The following RASIP1 variants were observed in gnomAD, a reference collection of about 807,000 sequenced individuals.
RASIP1 encodes the protein ras-interacting protein 1.
A neutral mutation model predicts 85.3 loss-of-function variants in RASIP1; 20 were observed. That is an observed-to-expected ratio of 0.23 (90% confidence interval 0.17 to 0.34). RASIP1 has a LOEUF of 0.34. RASIP1 is among the 10% of genes least tolerant of loss of function. The pLI, the probability that RASIP1 is intolerant of heterozygous loss-of-function variation, is 1.00. For synonymous variants in RASIP1, 617 were observed against 647.1 expected (o/e 0.95, Z 0.71); for missense variants, 1,170 against 1,390.9 (o/e 0.84, Z 2.53).
At position 48,739,323 on chromosome 19, in the gene RASIP1, C is replaced by A; in HGVS notation, c.460G>T (p.Gly154Ter). 7.3e-7 allele frequency: 1 copy of A among 1,377,866 alleles called. No homozygotes were observed. The highest frequency in any genetic ancestry group is 2.1e-4 in the Middle Eastern group (1 of 4,790). The allele number at this position is 1,377,866 out of a possible 1,614,324, so 85.4% of individuals were successfully genotyped here. The change falls in exon 3 of 12, where the codon GGA becomes TGA. Residue 154 changes from glycine to a stop codon, truncating the protein, a stop_gained. Coordinates refer to ENST00000222145, the MANE Select transcript of RASIP1 (RefSeq NM_017805.3). LOFTEE classifies it high-confidence loss of function. The surrounding 1 kb of genome is among the most constrained non-coding windows in gnomAD (Gnocchi z 9.2). Reference protein sequence around the residue: ...PPGVLKIFGAGLASGANYKSV... With the variant: ...PPGVLKIFGA ...TTGTAGTTGGCGCCCGATGCCAGTCCGGCGCCGAAGATCTTGAGGACCCCC... is the reference window on the plus strand; with the variant it reads ...TTGTAGTTGGCGCCCGATGCCAGTCAGGCGCCGAAGATCTTGAGGACCCCC...
intron 8 of RASIP1, chr19:48,725,656 G>A (rs2033330133): frequency 6.6e-6 from 1 of 152,252 alleles, no homozygotes; most frequent in Non-Finnish European, 1.5e-5. Flanking sequence ...GTTCTGAAAG[G>A]GAAGTGAATT....
chr19:48,731,170 A>G (rs1404641714), intron 4 of RASIP1, among the ~76,000 whole-genome samples: 1 of 152,176 alleles, frequency 6.6e-6, no homozygotes, highest in Admixed American at 6.5e-5. Context: ...GCTACTCGGG[A>G]GGCTGAGGCG....
Position 48,739,245 on chromosome 19 carries a change from G to C in RASIP1, c.538C>G (p.Leu180Val). 6.8e-7 allele frequency: 1 copy of C among 1,475,768 alleles called. No individual in the cohort carries two copies. The highest frequency in any genetic ancestry group is 8.9e-7 in the Non-Finnish European group (1 of 1,120,794). 91.4% of individuals were successfully genotyped at this position (1,475,768 alleles called of 1,614,324 possible). A position where few individuals can be genotyped will look rare whatever the true frequency, so the allele number is the denominator to read the frequency against. The change falls in exon 3 of 12, where the codon CTA (leucine) becomes GTA (valine). Residue 180 changes from leucine (L) to valine (V), a missense_variant. Around this residue, in one of 4 missense-constraint regions of RASIP1, gnomAD observed 299 missense variants for 394.4 expected, o/e 0.76. Coordinates refer to ENST00000222145, the MANE Select transcript of RASIP1 (RefSeq NM_017805.3). The surrounding 1 kb of genome is among the most constrained non-coding windows in gnomAD (Gnocchi z 9.2). ...CTGCCTGCTAGGCCGTAGCGCTCTA[G>C]CGCCTCGGCCACGAGCTCGCGCGCC... ...STARELVAEALERYGLAGSPG... is the reference protein window; with the variant it reads ...STARELVAEAVERYGLAGSPG...
chr19:48,739,631 T>G lies in RASIP1; in HGVS notation c.152A>C (p.Asp51Ala). 7.0e-7 allele frequency: 1 copy of G among 1,429,018 alleles called. No homozygotes were observed. The highest frequency in any genetic ancestry group is 9.2e-7 in the Non-Finnish European group (1 of 1,090,212). 88.5% of individuals were successfully genotyped at this position (1,429,018 alleles called of 1,614,324 possible). A position where few individuals can be genotyped will look rare whatever the true frequency, so the allele number is the denominator to read the frequency against. ...CGGCTCGCTGCTGCGGCTCCCCGTG[T>G]CCGACGAAGAAGACCTGGGAGTCCG... Reference protein sequence around the residue: ...SAASVKSSSSDTGSRSSEPLP... With the variant: ...SAASVKSSSSATGSRSSEPLP... Residue 51 changes from aspartate (D) to alanine (A), a missense_variant, in exon 3 of 12, where the codon GAC becomes GCC. Coordinates refer to ENST00000222145, the MANE Select transcript of RASIP1 (RefSeq NM_017805.3). The surrounding 1 kb of genome is among the most constrained non-coding windows in gnomAD (Gnocchi z 9.2).
At chr19:48,722,818 G>A (rs1165079008) in intron 10 of RASIP1, among the ~76,000 whole-genome samples, 2 of 152,264 alleles carry the variant, frequency 1.3e-5, no homozygotes, top group East Asian at 1.9e-4. Context: ...GTTGGTATGA[G>A]GATGCAATAT....
At chr19:48,735,173 T>C in intron 4 of RASIP1, 23 bp downstream of exon 4, 4 of 1,583,720 alleles carry the variant, frequency 2.5e-6, no homozygotes, top group Non-Finnish European at 2.6e-6. Context: ...GCTCTGGGCG[T>C]GCGGGGCTGG....
intron 4 of RASIP1, among the ~76,000 whole-genome samples, chr19:48,729,876 G>A (rs1327518211): frequency 6.6e-6 from 1 of 151,296 alleles, no homozygotes; most frequent in Non-Finnish European, 1.5e-5. Context: ...CACCACACCC[G>A]GCTAATTTTT....
At chr19:48,733,826 G>T (rs1239683463) in intron 4 of RASIP1, among the ~76,000 whole-genome samples, 1 of 151,524 alleles carries the variant, frequency 6.6e-6, no homozygotes, top group African/African-American at 2.4e-5. Context: ...AAGTGTGGGG[G>T]GGAGGGGGCA....
chr19:48,725,800 TG>T (rs1236841600), intron 8 of RASIP1, among the ~76,000 whole-genome samples: 1 of 152,176 alleles, frequency 6.6e-6, no homozygotes, highest in Non-Finnish European at 1.5e-5. Context: ...CTATTATATA[TG>T]AAACTTAACA....
chr19:48,738,692 C>T lies in RASIP1; in HGVS notation c.823+268G>A, dbSNP rs1379952200. 6.3e-6 allele frequency: 2 copies of T among 316,638 alleles called. No individual in the cohort carries two copies. The highest frequency in any genetic ancestry group is 1.1e-5 in the Non-Finnish European group (2 of 182,394). The allele number at this position is 316,638 out of a possible 1,614,324, so 19.6% of individuals were successfully genotyped here. A position where few individuals can be genotyped will look rare whatever the true frequency, so the allele number is the denominator to read the frequency against. On this transcript the variant is annotated intron_variant, in intron 3 of 11. Transcript: ENST00000222145. This position sits in a 1 kb window ranked among gnomAD's most constrained non-coding sequence, Gnocchi z 4.0. ...CACCACCAGCAACCAGCCCCCGTCC[C>T]GCCTAAGCCCCAAGCTTGGCCCCTG...
intron 3 of RASIP1, among the ~76,000 whole-genome samples, chr19:48,736,649 G>A (rs2122477708): frequency 6.6e-6 from 1 of 152,248 alleles, no homozygotes; most frequent in Admixed American, 6.5e-5. Flanking sequence ...CTGAATGAAT[G>A]GACTGATGTG....
At chr19:48,733,696 A>G (rs955802303) in intron 4 of RASIP1, among the ~76,000 whole-genome samples, 9 of 152,042 alleles carry the variant, frequency 5.9e-5, no homozygotes, top group African/African-American at 2.2e-4. Flanking sequence ...AATCCCAGCT[A>G]CTCAGGAGGC....
chr19:48,729,649 T>G, intron 4 of RASIP1, 59 bp from the exon 5 acceptor site: 1 of 1,492,318 alleles, frequency 6.7e-7, no homozygotes, highest in Non-Finnish European at 9.1e-7. Context: ...TTCAGATCTG[T>G]TCTCTCTGTT....
intron 3 of RASIP1, among the ~76,000 whole-genome samples, chr19:48,736,333 G>A (rs2033572046): frequency 6.6e-6 from 1 of 151,802 alleles, no homozygotes; most frequent in Non-Finnish European, 1.5e-5. Flanking sequence ...AACCCGGGAG[G>A]CGGAGCTTGC....
At position 48,724,289 on chromosome 19, in the gene RASIP1, GT is replaced by G. The variant is rs1023405066; in HGVS notation, c.2544+47del. ...TGAATATAGAAGGTGGCTGAGGGGG[GT>G]TGAGGAGTCAGAGGTCAGGGGTCAG... On this transcript the variant is annotated intron_variant, in intron 10 of 11. Coordinates refer to ENST00000222145, the MANE Select transcript of RASIP1 (RefSeq NM_017805.3). This position sits in a 1 kb window ranked among gnomAD's most constrained non-coding sequence, Gnocchi z 4.6. 1.9e-6 allele frequency: 3 copies of G among 1,577,914 alleles called. No homozygotes were observed. In the African/African-American group the frequency reaches 4.0e-5, roughly 21 times the overall value.
At chr19:48,737,928 G>A (rs1214127729) in intron 3 of RASIP1, 68 of 985,120 alleles carry the variant, frequency 6.9e-5, no homozygotes, top group East Asian at 1.1e-4. Flanking sequence ...TTTTCTGGAG[G>A]ACAGTTTTTT....
In RASIP1 at chr19:48,721,838, T is replaced by A. The variant is rs73583793; in HGVS notation, c.2692+16A>T. On this transcript the variant is annotated intron_variant, in intron 11 of 11. Transcript: ENST00000222145. ...GAAAGCTGACAGCCCCAATGCTGTA[T>A]CCCATTGCTCCTCACCTGTGTCCAC... 2.5e-4 allele frequency: 407 copies of A among 1,597,690 alleles called. 1 individual carries two copies. In the African/African-American group the frequency reaches 4.7e-3, roughly 19 times the overall value.
rs778189367 is a variant in RASIP1 at position 48,739,264 on chromosome 19, G to C, written c.519C>G (p.Arg173=). The C allele has an allele frequency of 3.5e-5, 51 of 1,468,804 alleles. No homozygotes were observed. Among genetic ancestry groups the C allele is most frequent in the Non-Finnish European group, 3.6e-6 (4 of 1,118,344 alleles). 91.0% of individuals were successfully genotyped at this position (1,468,804 alleles called of 1,614,324 possible). ...SVLATARSTA[R]ELVAEALERY... ...GCTCTAGCGCCTCGGCCACGAGCTC[G>C]CGCGCCGTGGAGCGCGCCGTGGCCA... The change falls in exon 3 of 12, where the codon CGC becomes CGG. Residue 173 remains arginine (R), a synonymous_variant. Coordinates refer to ENST00000222145, the MANE Select transcript of RASIP1 (RefSeq NM_017805.3). This position sits in a 1 kb window ranked among gnomAD's most constrained non-coding sequence, Gnocchi z 9.2.
intron 3 of RASIP1, among the ~76,000 whole-genome samples, chr19:48,736,825 A>G (rs2033581696): frequency 6.6e-6 from 1 of 152,194 alleles, no homozygotes; most frequent in South Asian, 2.1e-4. Context: ...ACTTGAGGTC[A>G]GGAATTCGAG....
Sources: allele counts gnomAD v4.1 joint callset (sites outside exome capture counted in the v4.1 genomes callset), GRCh38; gene constraint gnomAD v4.1.1; regional missense constraint gnomAD v4.1.1; non-coding constraint Gnocchi (gnomAD v3.1); transcripts MANE v1.5; gene names NCBI Gene and HGNC (gene_info 2026-07-23, HGNC 2026-07-21).